ZBTB20: variants seen among roughly 807,000 people sequenced by gnomAD.
The protein encoded by ZBTB20 is zinc finger and BTB domain-containing protein 20.
ZBTB20 carries 9 observed loss-of-function variants against 56.9 expected under a neutral mutation model. The observed-to-expected ratio is 0.16, with a 90% CI of 0.10 to 0.28. The LOEUF is 0.28. ZBTB20 is among the 10% of genes least tolerant of loss of function. ZBTB20 has a pLI of 1.00. For synonymous variants in ZBTB20, 417 were observed against 420.7 expected, an observed-to-expected ratio of 0.99 and a Z score of 0.11; for missense variants, 655 against 1,003.0, an observed-to-expected ratio of 0.65 and a Z score of 4.69.
At chr3:114,802,464 A>G (rs1165443149) in intron 4 of ZBTB20, among the ~76,000 whole-genome samples, 2 of 151,896 alleles carry the variant, frequency 1.3e-5, no homozygotes, top group Non-Finnish European at 2.9e-5. Flanking sequence ...AAATTCACTC[A>G]TGAATGAGAT....
chr3:114,791,743 A>G (rs1454583712), intron 5 of ZBTB20: 3 of 152,186 alleles, frequency 2.0e-5, no homozygotes, highest in Non-Finnish European at 4.4e-5. Flanking sequence ...CAAGTAGAAG[A>G]CCTTGTCAAA....
At chr3:114,883,025 T>C (rs1482598740) in intron 4 of ZBTB20, among the ~76,000 whole-genome samples, 3 of 152,204 alleles carry the variant, frequency 2.0e-5, no homozygotes, top group Non-Finnish European at 4.4e-5. Context: ...TTCACTGGGA[T>C]TTCATTTCCT....
chr3:114,355,199 A>T (rs2081115042), intron 10 of ZBTB20, among the ~76,000 whole-genome samples: 2 of 152,078 alleles, frequency 1.3e-5, no homozygotes, highest in South Asian at 4.2e-4. Context: ...GAAAAATCCA[A>T]ACTGTTTGAC....
At chr3:114,977,384 G>C (rs1300970421) in intron 2 of ZBTB20, among the ~76,000 whole-genome samples, 1 of 152,154 alleles carries the variant, frequency 6.6e-6, no homozygotes, top group East Asian at 1.9e-4. Context: ...AAATTTAAAT[G>C]AGAAAACATC....
chr3:114,358,424 C>T (rs961664140), intron 10 of ZBTB20, among the ~76,000 whole-genome samples: 1 of 152,100 alleles, frequency 6.6e-6, no homozygotes, highest in Non-Finnish European at 1.5e-5. Flanking sequence ...CTTCACTCCA[C>T]CAAAAAATAA....
intron 6 of ZBTB20, among the ~76,000 whole-genome samples, chr3:114,544,284 A>T (rs2049458624): frequency 6.6e-6 from 1 of 152,192 alleles, no homozygotes; most frequent in Admixed American, 6.5e-5. Flanking sequence ...ATTGCCAACC[A>T]TGAAATTATG....
At chr3:114,689,195 G>A (rs916270226) in intron 6 of ZBTB20, among the ~76,000 whole-genome samples, 1 of 152,102 alleles carries the variant, frequency 6.6e-6, no homozygotes, top group Non-Finnish European at 1.5e-5. Context: ...TTACGGTAAT[G>A]TCATAAATCC....
chr3:115,044,583 A>G (rs958144923), intron 2 of ZBTB20, among the ~76,000 whole-genome samples: 3 of 152,220 alleles, frequency 2.0e-5, no homozygotes, highest in Non-Finnish European at 2.9e-5. Context: ...GTTATTATCT[A>G]TATCAGTGAT....
intron 2 of ZBTB20, among the ~76,000 whole-genome samples, chr3:114,991,224 C>A (rs1156446035): frequency 6.6e-6 from 1 of 152,100 alleles, no homozygotes; most frequent in Non-Finnish European, 1.5e-5. Context: ...ATCTTTCCTG[C>A]TTTCTCTTGT....
chr3:114,985,573 G>A (rs1387916975), intron 2 of ZBTB20, among the ~76,000 whole-genome samples: 7 of 151,992 alleles, frequency 4.6e-5, no homozygotes, highest in Non-Finnish European at 1.0e-4. Context: ...GTCCTTTTAT[G>A]ATGTCAAAAA....
chr3:114,329,861 T>C lies in ZBTB20; in HGVS notation c.*9144A>G, dbSNP rs2079189687. ...TAAAGATCCAGTATTAAAATGAATG[T>C]TTGAGAATACAGTGGGGACAACTAG... On this transcript the variant is annotated 3_prime_UTR_variant, in exon 12 of 12. Transcript: ENST00000675478. 2 of 152,162 alleles carry C rather than the reference T, an allele frequency of 1.3e-5. No individual in the cohort carries two copies. The highest frequency in any genetic ancestry group is 2.9e-5 in the Non-Finnish European group (2 of 68,022). The allele number at this position is 152,162 out of a possible 1,614,324, so 9.4% of individuals were successfully genotyped here. A position where few individuals can be genotyped will look rare whatever the true frequency, so the allele number is the denominator to read the frequency against.
At chr3:114,859,285 TTTCTTCCTTCCTTCTTTC>T (rs2075395116) in intron 4 of ZBTB20, among the ~76,000 whole-genome samples, 1 of 29,398 alleles carries the variant, frequency 3.4e-5, no homozygotes, top group African/African-American at 5.0e-5. Context: ...CCTTCCTTCC[TTTCTTCCTTCCTTCTTTC>T]CTTCCTTCCT....
intron 6 of ZBTB20, chr3:114,518,828 A>AT (rs2046323334): frequency 6.6e-6 from 1 of 152,128 alleles, no homozygotes; most frequent in East Asian, 1.9e-4. Context: ...GGATATCTGT[A>AT]TTTTTTGTTG....
At chr3:114,435,725 A>G (rs558929656) in intron 7 of ZBTB20, among the ~76,000 whole-genome samples, 2 of 152,316 alleles carry the variant, frequency 1.3e-5, no homozygotes, top group South Asian at 2.1e-4. Context: ...GCTTGGTTAC[A>G]TATTATTTGA....
intron 3 of ZBTB20, among the ~76,000 whole-genome samples, chr3:114,937,794 T>C (rs2076591894): frequency 6.6e-6 from 1 of 152,092 alleles, no homozygotes; most frequent in Admixed American, 6.6e-5. Flanking sequence ...TGTTTTCTTC[T>C]TGTAAATTTG....
chr3:114,706,805 T>A (rs1010066405), intron 5 of ZBTB20, among the ~76,000 whole-genome samples: 5 of 152,088 alleles, frequency 3.3e-5, no homozygotes, highest in Admixed American at 6.6e-5. Flanking sequence ...TGAGTCAGGG[T>A]TAGGTCACGG....
intron 10 of ZBTB20, 129 bp from the exon 11 acceptor site, chr3:114,352,007 G>A (rs2080718811): frequency 2.5e-6 from 3 of 1,187,388 alleles, no homozygotes; most frequent in Non-Finnish European, 3.5e-6. Context: ...TACGCAAGTG[G>A]GGAGATGGAC....
chr3:114,724,038 T>A (rs1031148326), intron 5 of ZBTB20, among the ~76,000 whole-genome samples: 1 of 151,754 alleles, frequency 6.6e-6, no homozygotes, highest in African/African-American at 2.4e-5. Context: ...CCGGCTAATT[T>A]TTTTTTTTGT....
intron 5 of ZBTB20, among the ~76,000 whole-genome samples, chr3:114,715,284 A>G (rs2064388520): frequency 6.6e-6 from 1 of 152,192 alleles, no homozygotes; most frequent in Admixed American, 6.5e-5. Context: ...TTTCCCTAAC[A>G]ACCCGAGGTG....
Sources: allele counts gnomAD v4.1 joint callset (sites outside exome capture counted in the v4.1 genomes callset), GRCh38; gene constraint gnomAD v4.1.1; transcripts MANE v1.5; gene names NCBI Gene and HGNC (gene_info 2026-07-23, HGNC 2026-07-21).